Variants in CNN3 observed in about 807,000 individuals in gnomAD.
CNN3 encodes the protein calponin 3, also known as calponin-3.
A neutral mutation model predicts 39.0 loss-of-function variants in CNN3; 11 were observed. The ratio of observed to expected loss-of-function variants is 0.28; its 90% CI spans 0.18 to 0.47. The LOEUF (loss-of-function observed/expected upper bound fraction) is 0.47. Among genes scored for constraint, CNN3 ranks in the 20% least tolerant of loss-of-function variants. CNN3 has a pLI of 0.99. For synonymous variants in CNN3, 101 were observed against 138.3 expected, an observed-to-expected ratio of 0.73 and a Z score of 1.89; for missense variants, 266 against 403.4, an observed-to-expected ratio of 0.66 and a Z score of 2.92.
intron 1 of CNN3, among the ~76,000 whole-genome samples, chr1:94,907,795 GCT>G (rs1671047482): frequency 1.3e-5 from 2 of 152,234 alleles, no homozygotes; most frequent in South Asian, 4.1e-4. Context: ...GGGAGGCGGG[GCT>G]TGCAGTGAGC....
At chr1:94,918,094 T>A (rs944085048) in intron 1 of CNN3, among the ~76,000 whole-genome samples, 1 of 152,220 alleles carries the variant, frequency 6.6e-6, no homozygotes, top group Non-Finnish European at 1.5e-5. Flanking sequence ...TGGCTTAACA[T>A]AAAGTCCTTT....
chr1:94,902,992 C>G (rs905067902), intron 3 of CNN3, 130 bp downstream of exon 3: 3 of 604,240 alleles, frequency 5.0e-6, no homozygotes, highest in African/African-American at 3.9e-5. Context: ...GCTACAATGT[C>G]TATGTAAAAA....
intron 1 of CNN3, among the ~76,000 whole-genome samples, chr1:94,919,848 GC>G: frequency 6.6e-6 from 1 of 151,318 alleles, no homozygotes; most frequent in Non-Finnish European, 1.5e-5. Flanking sequence ...CAACAGTCAC[GC>G]CCACACCCTG....
Position 94,926,777 on chromosome 1 carries a change from C to A in CNN3, c.57+61G>T. On this transcript the variant is annotated intron_variant, in intron 1 of 6. Transcript: ENST00000370206. The surrounding 1 kb of genome is among the most constrained non-coding windows in gnomAD (Gnocchi z 4.2). ...CGCGAAGAGCAAACGAAGCACGGCC[C>A]AGCGCCAGGCCAGCCCAAGGGTGCC... The A allele has an allele frequency of 1.3e-6, 2 of 1,547,564 alleles. No homozygotes were observed. The highest frequency in any genetic ancestry group is 1.8e-6 in the Non-Finnish European group (2 of 1,132,514).
chr1:94,897,938 C>T lies in CNN3; in HGVS notation c.794G>A (p.Arg265Gln), dbSNP rs756638260. 2.5e-6 allele frequency: 4 copies of T among 1,613,966 alleles called. No homozygotes were observed. Among genetic ancestry groups the T allele is most frequent in the Non-Finnish European group, 3.4e-6 (4 of 1,179,972 alleles). Reference sequence around the variant, plus strand: ...ACAGTATTTGGGATCATATACTTGCCGCCCAAGCCCATACACACTCATTCC... The same window carrying T: ...ACAGTATTTGGGATCATATACTTGCTGCCCAAGCCCATACACACTCATTCC... ...QKGMSVYGLGRQVYDPKYCAA... is the reference protein window; with the variant it reads ...QKGMSVYGLGQQVYDPKYCAA... The change falls in exon 7 of 7, where the codon CGG (arginine) becomes CAG (glutamine). Residue 265 changes from arginine (R) to glutamine (Q), a missense_variant. Transcript: ENST00000370206.
At chr1:94,909,454 A>G (rs1411285961) in intron 1 of CNN3, among the ~76,000 whole-genome samples, 1 of 152,196 alleles carries the variant, frequency 6.6e-6, no homozygotes, top group Admixed American at 6.5e-5. Flanking sequence ...TAAAATGTAC[A>G]AGTCTCTCCC....
intron 6 of CNN3, among the ~76,000 whole-genome samples, chr1:94,898,676 C>G (rs1416422062): frequency 1.3e-5 from 2 of 152,244 alleles, no homozygotes; most frequent in Non-Finnish European, 2.9e-5. Flanking sequence ...CAAGCACACA[C>G]TTCCAGGTTC....
chr1:94,897,399 C>A lies in CNN3; in HGVS notation c.*343G>T. On this transcript the variant is annotated 3_prime_UTR_variant, in exon 7 of 7. Coordinates refer to ENST00000370206, the MANE Select transcript of CNN3 (RefSeq NM_001839.5). ...AAAAAAAAAAAAAAAAAAAAAGTTT[C>A]CTATTGTTTGAAAATACCAGTTTAA... 6.5e-6 allele frequency: 1 copy of A among 154,538 alleles called. No homozygotes were observed. The highest frequency in any genetic ancestry group is 1.4e-5 in the Non-Finnish European group (1 of 73,320). 9.6% of individuals were successfully genotyped at this position (154,538 alleles called of 1,614,324 possible).
At chr1:94,917,549 A>G (rs12403094) in intron 1 of CNN3, among the ~76,000 whole-genome samples, 4,581 of 152,270 alleles carry the variant, frequency 0.03, 110 homozygotes, top group South Asian at 0.05. Context: ...CTTTCTTACC[A>G]TTGGTAGGAA....
intron 3 of CNN3, 97 bp from the exon 4 acceptor site, chr1:94,902,355 C>T: frequency 9.6e-7 from 1 of 1,041,166 alleles, no homozygotes; most frequent in Non-Finnish European, 1.4e-6. Context: ...TAAGACGCTG[C>T]CCAGAAAGCT....
At chr1:94,916,888 A>G (rs1442773747) in intron 1 of CNN3, among the ~76,000 whole-genome samples, 1 of 152,204 alleles carries the variant, frequency 6.6e-6, no homozygotes, top group African/African-American at 2.4e-5. Context: ...CCTTCCATCT[A>G]TGCTTTGCTG....
chr1:94,898,107 A>C lies in CNN3; in HGVS notation c.649-24T>G, dbSNP rs41497749. The C allele has an allele frequency of 0.069, 109,293 of 1,580,968 alleles. 9,142 individuals carry two copies. The highest frequency in any genetic ancestry group is 0.36 in the East Asian group (16,114 of 44,578). ...GCCTGGTATTAGAACATAGTATAAA[A>C]GTTAAAACAGCAGCTAGAATCTATT... On this transcript the variant is annotated intron_variant, in intron 6 of 6. Transcript: ENST00000370206.
At chr1:94,905,934 T>C (rs1451060503) in intron 1 of CNN3, among the ~76,000 whole-genome samples, 2 of 152,158 alleles carry the variant, frequency 1.3e-5, no homozygotes, top group African/African-American at 4.8e-5. Flanking sequence ...AATAAACCCA[T>C]TTTTATGGCA....
In CNN3 at chr1:94,903,435, C is replaced by T. The variant is rs1369408565; in HGVS notation, c.147G>A (p.Gln49=). 1 of 1,608,202 alleles carries T rather than the reference C, an allele frequency of 6.2e-7. No homozygotes were observed. Among genetic ancestry groups the T allele is most frequent in the African/African-American group, 1.3e-5 (1 of 74,810 alleles). ...VTGMSIGPNF[Q]LGLKDGIILC... ...GGATGATGCCATCCTTTAAGCCCAG[C>T]TGGAAGTTGGGGCCAATGCTCATGC... Residue 49 remains glutamine, a synonymous_variant, in exon 2 of 7, where the codon CAG becomes CAA. Coordinates refer to ENST00000370206, the MANE Select transcript of CNN3 (RefSeq NM_001839.5).
chr1:94,926,733 G>A lies in CNN3; in HGVS notation c.57+105C>T. On this transcript the variant is annotated intron_variant, in intron 1 of 6. Coordinates refer to ENST00000370206, the MANE Select transcript of CNN3 (RefSeq NM_001839.5). The surrounding 1 kb of genome is among the most constrained non-coding windows in gnomAD (Gnocchi z 4.2). Reference sequence around the variant, plus strand: ...GCGCCGCCTCGACGGCCCCTCTCCAGGAAAACGGTGAGCCACAGCGCGAAG... The same window carrying A: ...GCGCCGCCTCGACGGCCCCTCTCCAAGAAAACGGTGAGCCACAGCGCGAAG... 7.6e-7 allele frequency: 1 copy of A among 1,316,354 alleles called. No homozygotes were observed. The highest frequency in any genetic ancestry group is 1.1e-6 in the Non-Finnish European group (1 of 938,096). The allele number at this position is 1,316,354 out of a possible 1,614,324, so 81.5% of individuals were successfully genotyped here.
At chr1:94,898,107 A>T (rs41497749) in intron 6 of CNN3, 24 bp from the exon 7 acceptor site, 3 of 1,581,102 alleles carry the variant, frequency 1.9e-6, no homozygotes, top group South Asian at 2.2e-5. Context: ...ATAGTATAAA[A>T]GTTAAAACAG....
chr1:94,908,284 C>T (rs150893377), intron 1 of CNN3, among the ~76,000 whole-genome samples: 1 of 152,348 alleles, frequency 6.6e-6, no homozygotes, highest in East Asian at 1.9e-4. Context: ...GATTGGCCTG[C>T]TCTGCTCTCG....
At chr1:94,916,926 T>C (rs1418608927) in intron 1 of CNN3, among the ~76,000 whole-genome samples, 1 of 152,226 alleles carries the variant, frequency 6.6e-6, no homozygotes, top group East Asian at 1.9e-4. Context: ...ACTGGAAAGA[T>C]TTCTTCCTTT....
At chr1:94,903,059 A>G in intron 3 of CNN3, 63 bp downstream of exon 3, 1 of 1,303,574 alleles carries the variant, frequency 7.7e-7, no homozygotes, top group Non-Finnish European at 1.0e-6. Flanking sequence ...CAAACCTGAA[A>G]TCAAGTTTTC....
Sources: gnomAD v4.1 joint callset for allele counts (sites outside exome capture counted in the v4.1 genomes callset) on GRCh38, gnomAD v4.1.1 for gene constraint, Gnocchi (gnomAD v3.1) non-coding constraint, MANE v1.5 for transcripts, NCBI Gene and HGNC (gene_info 2026-07-23, HGNC 2026-07-21) for gene names.